NBAS: variants seen among roughly 807,000 people sequenced by gnomAD.
The protein encoded by NBAS is NAG/BC035112 fusion.
A neutral mutation model predicts 302.5 loss-of-function variants in NBAS; 219 were observed. The ratio of observed to expected loss-of-function variants is 0.72; its 90% CI spans 0.65 to 0.81. The LOEUF (loss-of-function observed/expected upper bound fraction) is 0.81. Ranked by LOEUF, NBAS falls within the 30% of genes least tolerant of loss-of-function variation. The probability of loss-of-function intolerance (pLI) is 0.00; values close to 1 mark genes in which losing one functional copy is unlikely to be tolerated. For synonymous variants in NBAS, 1,118 were observed against 1,021.6 expected (o/e 1.09, Z -1.80); for missense variants, 2,932 against 2,841.6 (o/e 1.03, Z -0.72).
chr2:15,062,691 G>T, the NBAS span, among the ~76,000 whole-genome samples: 1 of 152,146 alleles, frequency 6.6e-6, no homozygotes, highest in Non-Finnish European at 1.5e-5. Flanking sequence ...AAAATTTGTT[G>T]TGGCTGACAC....
chr2:15,068,193 T>G, the NBAS span, among the ~76,000 whole-genome samples: 3 of 152,222 alleles, frequency 2.0e-5, no homozygotes, highest in Non-Finnish European at 4.4e-5. Context: ...ATTCCCTGAC[T>G]TTAGTTCTCT....
At chr2:14,907,703 T>A in the NBAS span, 1 of 152,392 alleles carries the variant, frequency 6.6e-6, no homozygotes, top group East Asian at 1.9e-4. Flanking sequence ...ATAATCACAT[T>A]CTGGCTTTCA....
At chr2:15,345,361 A>G (rs1360569470) in intron 35 of NBAS, among the ~76,000 whole-genome samples, 1 of 152,018 alleles carries the variant, frequency 6.6e-6, no homozygotes, top group African/African-American at 2.4e-5. Flanking sequence ...CTTTATGCCT[A>G]CAACAGATAG....
intron 9 of NBAS, among the ~76,000 whole-genome samples, chr2:15,525,618 G>A (rs1662880779): frequency 6.6e-6 from 1 of 152,166 alleles, no homozygotes; most frequent in Admixed American, 6.5e-5. Context: ...ATTTGAACAT[G>A]AGTGGCTTTT....
intron 45 of NBAS, among the ~76,000 whole-genome samples, chr2:15,235,221 C>A: frequency 6.6e-6 from 1 of 152,062 alleles, no homozygotes; most frequent in East Asian, 1.9e-4. Context: ...TGTAATAACC[C>A]GGCAAGTATT....
At chr2:15,289,274 G>GT (rs975836460) in intron 41 of NBAS, among the ~76,000 whole-genome samples, 100 of 152,010 alleles carry the variant, frequency 6.6e-4, no homozygotes, top group African/African-American at 2.3e-3. Flanking sequence ...TTTTGTTTTT[G>GT]TTTTTTTGGT....
chr2:15,100,035 G>A, the NBAS span, among the ~76,000 whole-genome samples: 2 of 152,142 alleles, frequency 1.3e-5, no homozygotes, highest in Non-Finnish European at 2.9e-5. Flanking sequence ...CAATTTTATG[G>A]ATTTGAAGTA....
the NBAS span, among the ~76,000 whole-genome samples, chr2:15,010,292 C>T: frequency 1.3e-5 from 2 of 151,862 alleles, no homozygotes; most frequent in Non-Finnish European, 2.9e-5. Flanking sequence ...CTTCTACAGC[C>T]TAAAAAAATT....
the NBAS span, among the ~76,000 whole-genome samples, chr2:14,795,765 GCCTGCCCTCTA>G: frequency 6.6e-6 from 1 of 151,824 alleles, no homozygotes; most frequent in Non-Finnish European, 1.5e-5. Flanking sequence ...TTACTAGCAT[GCCTGCCCTCTA>G]CCTAGCAGAT....
At chr2:15,435,309 C>A (rs576838888) in intron 21 of NBAS, among the ~76,000 whole-genome samples, 2 of 152,272 alleles carry the variant, frequency 1.3e-5, no homozygotes, top group East Asian at 3.9e-4. Context: ...TTCTTCATAG[C>A]CACCCTTAAG....
At chr2:15,203,224 T>A (rs908138267) in intron 48 of NBAS, among the ~76,000 whole-genome samples, 1 of 152,216 alleles carries the variant, frequency 6.6e-6, no homozygotes, top group African/African-American at 2.4e-5. Flanking sequence ...TAGTTCATAG[T>A]TATATATCAT....
rs148139448 is a variant in NBAS at position 15,421,188 on chromosome 2, T to G, written c.2577+3127A>C. ...ATCTCAAATGAATTCTCAGAAAGCA[T>G]TAAGAAAGCTTGATGCATAGAGCAC... On this transcript the variant is annotated intron_variant, in intron 23 of 51. Coordinates refer to ENST00000281513, the MANE Select transcript of NBAS (RefSeq NM_015909.4). 3.9e-5 allele frequency among the ~76,000 whole-genome samples: 6 copies of G among 152,160 alleles called. No individual in the cohort carries two copies. The East Asian group carries it at 1.2e-3, about 29-fold the overall frequency.
intron 10 of NBAS, among the ~76,000 whole-genome samples, chr2:15,506,658 G>C (rs1661868073): frequency 6.6e-6 from 1 of 151,954 alleles, no homozygotes; most frequent in Admixed American, 6.6e-5. Context: ...CCAACCACAA[G>C]AATGACTGGG....
chr2:14,874,512 C>T, the NBAS span, among the ~76,000 whole-genome samples: 7 of 149,948 alleles, frequency 4.7e-5, no homozygotes, highest in Non-Finnish European at 7.4e-5. Flanking sequence ...TGGTGGCAGG[C>T]GCCTGTAGTC....
chr2:14,973,873 G>T, the NBAS span, among the ~76,000 whole-genome samples: 10 of 152,236 alleles, frequency 6.6e-5, no homozygotes, highest in Non-Finnish European at 8.8e-5. Flanking sequence ...CCTCAAACTC[G>T]TTCAAGTCCT....
At chr2:15,144,046 A>ATATAT in the NBAS span, among the ~76,000 whole-genome samples, 4,663 of 104,034 alleles carry the variant, frequency 0.045, 340 homozygotes, top group Middle Eastern at 0.089. Context: ...CCTATATATA[A>ATATAT]AAATATATAT....
intron 33 of NBAS, among the ~76,000 whole-genome samples, chr2:15,355,351 C>G (rs776184762): frequency 2.0e-5 from 3 of 152,144 alleles, no homozygotes; most frequent in Non-Finnish European, 4.4e-5. Flanking sequence ...AACAAAACTC[C>G]CTATCACACT....
At chr2:15,392,551 TAAG>T (rs1305775282) in intron 28 of NBAS, among the ~76,000 whole-genome samples, 1 of 151,900 alleles carries the variant, frequency 6.6e-6, no homozygotes, top group African/African-American at 2.4e-5. Context: ...ATAAAATACT[TAAG>T]AATAATTTAA....
chr2:15,354,066 A>T (rs1372614706), intron 33 of NBAS, among the ~76,000 whole-genome samples: 1 of 152,120 alleles, frequency 6.6e-6, no homozygotes, highest in African/African-American at 2.4e-5. Context: ...GCTACTTAGC[A>T]CTCCTGTGAG....
Sources: allele counts gnomAD v4.1 joint callset (sites outside exome capture counted in the v4.1 genomes callset), GRCh38; gene constraint gnomAD v4.1.1; transcripts MANE v1.5; gene names NCBI Gene and HGNC (gene_info 2026-07-23, HGNC 2026-07-21).